Variants in BMERB1 observed in about 807,000 individuals in gnomAD.
BMERB1 encodes the protein bMERB domain-containing protein 1.
In BMERB1, 12 loss-of-function variants were observed where a neutral mutation model predicts 23.6. The ratio of observed to expected loss-of-function variants is 0.51; its 90% confidence interval spans 0.33 to 0.82. The LOEUF is 0.82. BMERB1 is among the 40% of genes least tolerant of loss of function. BMERB1 has a pLI of 0.03. For synonymous variants in BMERB1, 122 were observed against 96.6 expected, an observed-to-expected ratio of 1.26 and a Z score of -1.54; for missense variants, 247 against 255.4, an observed-to-expected ratio of 0.97 and a Z score of 0.22.
intron 2 of BMERB1, 83 bp from the exon 3 acceptor site, chr16:15,567,900 G>C (rs1229610273): frequency 7.8e-7 from 1 of 1,282,404 alleles, no homozygotes. Flanking sequence ...ACCTTTAATA[G>C]CTTCTTTGTG....
chr16:15,492,109 C>T (rs1457734332), intron 1 of BMERB1, among the ~76,000 whole-genome samples: 1 of 152,196 alleles, frequency 6.6e-6, no homozygotes, highest in Admixed American at 6.5e-5. Context: ...GACCCTGTGT[C>T]TTTGAAAGGA....
chr16:15,502,203 T>C (rs2051537309), intron 1 of BMERB1: 3 of 1,278,312 alleles, frequency 2.3e-6, no homozygotes, highest in Non-Finnish European at 2.2e-6. Flanking sequence ...ACACGTCAGA[T>C]GTGGCTGGGG....
chr16:15,463,870 T>C (rs2051158219), intron 1 of BMERB1, among the ~76,000 whole-genome samples: 1 of 129,528 alleles, frequency 7.7e-6, no homozygotes, highest in Admixed American at 9.0e-5. Flanking sequence ...TTTTTGTGTA[T>C]GCTTTAAAAA....
intron 2 of BMERB1, among the ~76,000 whole-genome samples, chr16:15,520,237 C>T (rs2051833671): frequency 6.6e-6 from 1 of 151,992 alleles, no homozygotes; most frequent in Admixed American, 6.5e-5. Flanking sequence ...GGGGCAGAGC[C>T]CTTAACCTTA....
intron 1 of BMERB1, among the ~76,000 whole-genome samples, chr16:15,455,224 TG>T (rs2051075177): frequency 6.7e-6 from 1 of 149,908 alleles, no homozygotes; most frequent in African/African-American, 2.5e-5. Context: ...CTCAGGAGGC[TG>T]AGGCAGGAGA....
At chr16:15,506,811 C>G (rs2051597152) in intron 1 of BMERB1, among the ~76,000 whole-genome samples, 1 of 152,270 alleles carries the variant, frequency 6.6e-6, no homozygotes, top group African/African-American at 2.4e-5. Context: ...CTTTCCATCT[C>G]CTCAGCTGCA....
At chr16:15,519,491 A>G (rs2051823033) in intron 2 of BMERB1, among the ~76,000 whole-genome samples, 1 of 152,108 alleles carries the variant, frequency 6.6e-6, no homozygotes, top group South Asian at 2.1e-4. Context: ...CCTGGGTTCA[A>G]GCGATTCTTG....
chr16:15,516,798 G>A (rs959782383), intron 2 of BMERB1, among the ~76,000 whole-genome samples: 1 of 152,122 alleles, frequency 6.6e-6, no homozygotes, highest in Non-Finnish European at 1.5e-5. Context: ...GGGGAGTTAG[G>A]GTTCAGACTC....
intron 1 of BMERB1, among the ~76,000 whole-genome samples, chr16:15,454,441 G>GA (rs1158135922): frequency 6.6e-6 from 1 of 152,196 alleles, no homozygotes; most frequent in Non-Finnish European, 1.5e-5. Flanking sequence ...TTACAGCACA[G>GA]ACCAGCCTGT....
At chr16:15,550,630 G>A (rs1010974408) in intron 2 of BMERB1, among the ~76,000 whole-genome samples, 1 of 151,980 alleles carries the variant, frequency 6.6e-6, no homozygotes, top group South Asian at 2.1e-4. Flanking sequence ...GAGCCACCGC[G>A]CCCGGCCTGA....
intron 1 of BMERB1, among the ~76,000 whole-genome samples, chr16:15,475,005 G>A (rs897629535): frequency 2.6e-5 from 4 of 152,062 alleles, no homozygotes; most frequent in African/African-American, 9.7e-5. Flanking sequence ...TTCTTTTTAA[G>A]CAGGTAGCCT....
At chr16:15,497,116 T>G (rs2051480943) in intron 1 of BMERB1, among the ~76,000 whole-genome samples, 1 of 152,182 alleles carries the variant, frequency 6.6e-6, no homozygotes, top group African/African-American at 2.4e-5. Context: ...GGGATTCGTC[T>G]AGGTCCTGCT....
chr16:15,547,386 G>A (rs2029953812), intron 2 of BMERB1, among the ~76,000 whole-genome samples: 1 of 150,522 alleles, frequency 6.6e-6, no homozygotes, highest in Non-Finnish European at 1.5e-5. Flanking sequence ...TTGTCGCCCA[G>A]GCTGGAGTGC....
At chr16:15,469,293 G>A (rs1380759214) in intron 1 of BMERB1, among the ~76,000 whole-genome samples, 3 of 152,040 alleles carry the variant, frequency 2.0e-5, no homozygotes, top group Non-Finnish European at 4.4e-5. Flanking sequence ...AATAATGTGG[G>A]CACATTTGTT....
intron 2 of BMERB1, among the ~76,000 whole-genome samples, chr16:15,516,128 A>T (rs2051749478): frequency 6.6e-6 from 1 of 152,120 alleles, no homozygotes; most frequent in Non-Finnish European, 1.5e-5. Flanking sequence ...CTGTCTCTAA[A>T]AAGCACAAAT....
At chr16:15,461,563 T>G (rs1328785151) in intron 1 of BMERB1, among the ~76,000 whole-genome samples, 1 of 151,822 alleles carries the variant, frequency 6.6e-6, no homozygotes, top group East Asian at 1.9e-4. Flanking sequence ...ATCATACAAA[T>G]AAAAATATAA....
At chr16:15,496,220 A>G (rs2051471980) in intron 1 of BMERB1, among the ~76,000 whole-genome samples, 1 of 152,030 alleles carries the variant, frequency 6.6e-6, no homozygotes, top group East Asian at 1.9e-4. Context: ...TGGTGATGGT[A>G]AAGATAATGG....
intron 1 of BMERB1, among the ~76,000 whole-genome samples, chr16:15,499,433 A>G (rs1218996892): frequency 3.3e-5 from 5 of 152,052 alleles, no homozygotes; most frequent in Non-Finnish European, 5.9e-5. Context: ...AAAAAAGTCA[A>G]CGGCATCAAA....
At chr16:15,526,557 G>A (rs977604539) in intron 2 of BMERB1, among the ~76,000 whole-genome samples, 3 of 151,362 alleles carry the variant, frequency 2.0e-5, no homozygotes, top group Non-Finnish European at 2.9e-5. Context: ...CCAGCTAGTC[G>A]GGAGGCTGAG....
Sources: gnomAD v4.1 joint callset for allele counts (sites outside exome capture counted in the v4.1 genomes callset) on GRCh38, gnomAD v4.1.1 for gene constraint, MANE v1.5 for transcripts, NCBI Gene and HGNC (gene_info 2026-07-23, HGNC 2026-07-21) for gene names.